SMARCC2: variants seen among roughly 807,000 people sequenced by gnomAD.
The protein encoded by SMARCC2 is SWI/SNF complex subunit SMARCC2.
A neutral mutation model predicts 151.3 loss-of-function variants in SMARCC2; 15 were observed. That is an observed-to-expected ratio of 0.10 (90% CI 0.07 to 0.15). SMARCC2 has a LOEUF of 0.15. SMARCC2 is among the 10% of genes least tolerant of loss of function. The pLI is 1.00. For synonymous variants in SMARCC2, 590 were observed against 609.5 expected (o/e 0.97, Z 0.47); for missense variants, 1,031 against 1,599.7 (o/e 0.64, Z 6.06).
At chr12:56,165,865 G>T (rs11171763) in intron 26 of SMARCC2, among the ~76,000 whole-genome samples, 166 bp from the exon 27 acceptor site, 20 of 152,108 alleles carry the variant, frequency 1.3e-4, no homozygotes, top group African/African-American at 4.8e-4. Flanking sequence ...ACCCGACTTC[G>T]TGCAAATTCC....
intron 26 of SMARCC2, among the ~76,000 whole-genome samples, chr12:56,166,086 T>C (rs2135642098): frequency 6.6e-6 from 1 of 152,358 alleles, no homozygotes; most frequent in Admixed American, 6.5e-5. Flanking sequence ...GATCAATTCA[T>C]TTGCCTCTGA....
rs1329389324 is a variant in SMARCC2 at position 56,184,843 on chromosome 12, C to G, written c.492+1G>C. On this transcript the variant is annotated splice_donor_variant, in intron 5 of 28. Coordinates refer to ENST00000550164, the MANE Select transcript of SMARCC2 (RefSeq NM_001330288.2). LOFTEE classifies it high-confidence loss of function. ...AAACCTCTCCTCACCAGACCATTTACCTGGTGTCTCTTGATAATGTCCTTT... is the reference window on the plus strand; with the variant it reads ...AAACCTCTCCTCACCAGACCATTTAGCTGGTGTCTCTTGATAATGTCCTTT... The G allele has an allele frequency of 6.3e-7, 1 of 1,575,820 alleles. No individual in the cohort carries two copies. The highest frequency in any genetic ancestry group is 8.7e-7 in the Non-Finnish European group (1 of 1,145,154).
intron 18 of SMARCC2, 25 bp downstream of exon 18, chr12:56,172,912 C>T: frequency 1.2e-6 from 2 of 1,609,718 alleles, no homozygotes; most frequent in South Asian, 1.1e-5. Flanking sequence ...AATGAGCAGC[C>T]CAGCAGGGTC....
intron 27 of SMARCC2, among the ~76,000 whole-genome samples, chr12:56,165,059 C>G (rs2135634047): frequency 6.6e-6 from 1 of 152,332 alleles, no homozygotes. Flanking sequence ...GAATAACTCA[C>G]TTTTACAAAC....
At chr12:56,188,458 T>C (rs1877700291) in intron 1 of SMARCC2, among the ~76,000 whole-genome samples, 2 of 152,098 alleles carry the variant, frequency 1.3e-5, no homozygotes, top group Admixed American at 1.3e-4. Flanking sequence ...AATCCCTCTC[T>C]GAGGGTAGTG....
intron 8 of SMARCC2, 39 bp from the exon 9 acceptor site, chr12:56,181,874 G>C: frequency 6.2e-7 from 1 of 1,613,862 alleles, no homozygotes; most frequent in South Asian, 1.1e-5. Flanking sequence ...GAGAAGCCTG[G>C]AAGCCACAGC....
intron 5 of SMARCC2, chr12:56,184,508 T>C: frequency 1.8e-6 from 1 of 554,232 alleles, no homozygotes; most frequent in Non-Finnish European, 3.2e-6. Flanking sequence ...CCACTGTACA[T>C]CCTTATCAAT....
In SMARCC2 at chr12:56,179,031, C is replaced by T. The variant is rs773049450; in HGVS notation, c.1107G>A (p.Ser369=). The T allele has an allele frequency of 2.4e-5, 38 of 1,614,140 alleles. No individual in the cohort carries two copies. The East Asian group carries it at 4.7e-4, about 20-fold the overall frequency. The change falls in exon 12 of 29, where the codon TCG becomes TCA. Residue 369 remains serine, a synonymous_variant. Transcript: ENST00000550164. ...TCATGGTGCCGCCTTTGACTGGGGC[C>T]GACTCTGAGTCTTTCTTTGTGTTGA... The part of the protein sequence containing the change: ...KTVNTKKDSE[S]APVKGGTMTD...
chr12:56,185,625 C>G (rs1167062556), intron 3 of SMARCC2: 1 of 166,578 alleles, frequency 6.0e-6, no homozygotes, highest in East Asian at 1.7e-4. Flanking sequence ...ACTACAGGTG[C>G]CCGCCACCAT....
chr12:56,175,983 C>A (rs923834713), intron 15 of SMARCC2, among the ~76,000 whole-genome samples: 16 of 152,062 alleles, frequency 1.1e-4, no homozygotes, highest in Non-Finnish European at 2.2e-4. Context: ...CTCAGCCTCC[C>A]AAGTAGCTGG....
chr12:56,178,333 GAGA>G lies in SMARCC2; in HGVS notation c.1310+68_1310+70del, dbSNP rs879148365. 32 of 1,550,248 alleles carry G rather than the reference GAGA, an allele frequency of 2.1e-5. No individual in the cohort carries two copies. The Middle Eastern group carries it at 5.1e-4, about 25-fold the overall frequency. On this transcript the variant is annotated intron_variant, in intron 14 of 28. Transcript: ENST00000550164. ...AAATAACTTATTTGGAGGAGGCAGG[GAGA>G]AGAACAGCCTGTTGACCCCTGGAGG...
intron 18 of SMARCC2, 66 bp from the exon 19 acceptor site, chr12:56,172,770 G>C (rs1489778440): frequency 6.2e-7 from 1 of 1,603,738 alleles, no homozygotes; most frequent in African/African-American, 1.3e-5. Flanking sequence ...CTGACAGAGA[G>C]AAAAAACAGA....
intron 1 of SMARCC2, among the ~76,000 whole-genome samples, chr12:56,187,672 A>T (rs1348842255): frequency 6.6e-6 from 1 of 152,216 alleles, no homozygotes; most frequent in East Asian, 1.9e-4. Flanking sequence ...TCATGGAAGC[A>T]ATACCTCTGG....
intron 28 of SMARCC2, 26 bp from the exon 29 acceptor site, chr12:56,163,791 GT>G: frequency 6.8e-7 from 1 of 1,459,998 alleles, no homozygotes; most frequent in Non-Finnish European, 9.1e-7. Flanking sequence ...AGATAAATCA[GT>G]TAGAGTACGC....
intron 25 of SMARCC2, among the ~76,000 whole-genome samples, chr12:56,168,827 AAAATT>A (rs902235389): frequency 1.1e-4 from 16 of 152,224 alleles, no homozygotes; most frequent in African/African-American, 3.8e-4. Context: ...TAAAAATACA[AAAATT>A]AACCGGGCAT....
In SMARCC2 at chr12:56,169,586, C is replaced by T; in HGVS notation, c.2658G>A (p.Glu886=). The T allele has an allele frequency of 1.9e-6, 3 of 1,614,106 alleles. No individual in the cohort carries two copies. Among genetic ancestry groups the T allele is most frequent in the Non-Finnish European group, 2.5e-6 (3 of 1,179,988 alleles). Residue 886 remains glutamate (E), a synonymous_variant, in exon 25 of 29, where the codon GAG becomes GAA. Transcript: ENST00000550164. ...CGGCAGCAGCGGTGGAGAGGTTGCC[C>T]TCGCCAATGTCCCGCTCCACCTTTG... is the stretch of plus-strand genomic sequence containing the variant. The part of the protein sequence containing the change: ...RKTKVERDIG[E]GNLSTAAAAA...
rs1433140118 is a variant in SMARCC2, at chr12:56,169,620, T to G, written c.2624A>C (p.Glu875Ala). The G allele has an allele frequency of 2.6e-5, 42 of 1,613,786 alleles. No homozygotes were observed. Among genetic ancestry groups the G allele is most frequent in the Non-Finnish European group, 3.3e-5 (39 of 1,179,918 alleles). The change falls in exon 25 of 29, where the codon GAA becomes GCA. Residue 875 changes from glutamate (E) to alanine (A), a missense_variant. Coordinates refer to ENST00000550164, the MANE Select transcript of SMARCC2 (RefSeq NM_001330288.2). ...VLKEVVESEGERKTKVERDIG... is the reference protein window; with the variant it reads ...VLKEVVESEGARKTKVERDIG... ...GTCCCGCTCCACCTTTGTCTTCCTT[T>G]CCCCCTCAGACTCCACCACTTCCTT...
chr12:56,165,307 A>G lies in SMARCC2; in HGVS notation c.3232+11T>C, dbSNP rs1317366437. ...CTCTAGCCAACAAAAGTTCTGGAAC[A>G]TAACACTTACCATGGGGTCCAGGGG... On this transcript the variant is annotated intron_variant, in intron 27 of 28. Coordinates refer to ENST00000550164, the MANE Select transcript of SMARCC2 (RefSeq NM_001330288.2). The G allele has an allele frequency of 8.1e-6, 12 of 1,487,280 alleles. No individual in the cohort carries two copies. The highest frequency in any genetic ancestry group is 1.1e-5 in the Non-Finnish European group (12 of 1,123,402). 92.1% of individuals were successfully genotyped at this position (1,487,280 alleles called of 1,614,324 possible).
At position 56,178,317 on chromosome 12, in the gene SMARCC2, A is replaced by C. The variant is rs1434637254; in HGVS notation, c.1310+87T>G. The C allele has an allele frequency of 5.4e-6, 8 of 1,490,710 alleles. No individual in the cohort carries two copies. The East Asian group carries it at 1.8e-4, about 34-fold the overall frequency. 92.3% of individuals were successfully genotyped at this position (1,490,710 alleles called of 1,614,324 possible). A position where few individuals can be genotyped will look rare whatever the true frequency, so the allele number is the denominator to read the frequency against. Reference sequence around the variant, plus strand: ...TATTTGGGTGAGGAAAAAATAACTTATTTGGAGGAGGCAGGGAGAAGAACA... The same window carrying C: ...TATTTGGGTGAGGAAAAAATAACTTCTTTGGAGGAGGCAGGGAGAAGAACA... On this transcript the variant is annotated intron_variant, in intron 14 of 28. Coordinates refer to ENST00000550164, the MANE Select transcript of SMARCC2 (RefSeq NM_001330288.2).
Sources: allele counts gnomAD v4.1 joint callset (sites outside exome capture counted in the v4.1 genomes callset), GRCh38; gene constraint gnomAD v4.1.1; transcripts MANE v1.5; gene names NCBI Gene and HGNC (gene_info 2026-07-23, HGNC 2026-07-21).